UTP4: variants seen among roughly 807,000 people sequenced by gnomAD.
The protein encoded by UTP4 is U3 small nucleolar RNA-associated protein 4 homolog.
UTP4 carries 45 observed loss-of-function variants against 82.4 expected under a neutral mutation model. The ratio of observed to expected loss-of-function variants is 0.55; its 90% CI spans 0.43 to 0.70. UTP4 has a LOEUF of 0.70. Ranked by LOEUF, UTP4 falls within the 30% of genes least tolerant of loss-of-function variation. UTP4 has a pLI of 0.00. For synonymous variants in UTP4, 348 were observed against 300.3 expected, an observed-to-expected ratio of 1.16 and a Z score of -1.64; for missense variants, 819 against 858.3, an observed-to-expected ratio of 0.95 and a Z score of 0.57.
intron 14 of UTP4, among the ~76,000 whole-genome samples, chr16:69,163,990 A>G (rs900954644): frequency 1.4e-5 from 2 of 147,848 alleles, no homozygotes; most frequent in Non-Finnish European, 3.0e-5. Context: ...GGTTCATGTC[A>G]TCCTCCTGCC....
At position 69,136,655 on chromosome 16, in the gene UTP4, T is replaced by C. The variant is rs373201620; in HGVS notation, c.160-41T>C. ...GTGACCACTCAGTACCGGTACCTGA[T>C]GAATTTGTGGTAATGTTGAGAAGTT... is the stretch of plus-strand genomic sequence containing the variant. On this transcript the variant is annotated intron_variant, in intron 2 of 16. Coordinates refer to ENST00000314423, the MANE Select transcript of UTP4 (RefSeq NM_032830.3). 879 of 1,604,506 alleles carry C rather than the reference T, an allele frequency of 5.5e-4. 8 individuals are homozygous for C. The African/African-American group carries it at 0.01, about 19-fold the overall frequency.
At chr16:69,149,167 G>T (rs1394008011) in intron 6 of UTP4, among the ~76,000 whole-genome samples, 2 of 151,982 alleles carry the variant, frequency 1.3e-5, no homozygotes, top group South Asian at 4.2e-4. Flanking sequence ...TATCCCCTAG[G>T]TCAGGAGTTT....
In UTP4 at chr16:69,150,804, C is replaced by T; in HGVS notation, c.911-9C>T. 6.2e-7 allele frequency: 1 copy of T among 1,613,716 alleles called. No homozygotes were observed. Among genetic ancestry groups the T allele is most frequent in the Non-Finnish European group, 8.5e-7 (1 of 1,179,624 alleles). On this transcript the variant is annotated splice_polypyrimidine_tract_variant and intron_variant, in intron 7 of 16. Coordinates refer to ENST00000314423, the MANE Select transcript of UTP4 (RefSeq NM_032830.3). ...CTAATTCTGTACACCTTCTCCCCTG[C>T]TTTCCCAGGCACTGACACCCACTTA...
intron 12 of UTP4, 151 bp downstream of exon 12, chr16:69,157,391 T>C (rs1963447489): frequency 1.3e-6 from 1 of 792,240 alleles, no homozygotes. Context: ...TAGGAGGAGA[T>C]AGCTGGCAGA....
intron 6 of UTP4, among the ~76,000 whole-genome samples, chr16:69,147,947 G>T (rs1963161413): frequency 6.6e-6 from 1 of 150,398 alleles, no homozygotes; most frequent in South Asian, 2.1e-4. Flanking sequence ...TTGTTTTGTT[G>T]TTTTGTTTGT....
intron 9 of UTP4, 39 bp downstream of exon 9, chr16:69,153,719 A>T: frequency 7.4e-7 from 1 of 1,347,448 alleles, no homozygotes; most frequent in Non-Finnish European, 1.1e-6. Flanking sequence ...AGAAAACTGG[A>T]GAGAGAAGCC....
chr16:69,146,929 A>C (rs1963126565), intron 6 of UTP4, among the ~76,000 whole-genome samples: 1 of 147,006 alleles, frequency 6.8e-6, no homozygotes, highest in Non-Finnish European at 1.5e-5. Flanking sequence ...CGTGAACCAG[A>C]GAGGCGGAGC....
At chr16:69,150,483 C>T in intron 6 of UTP4, 54 bp from the exon 7 acceptor site, 2 of 1,600,158 alleles carry the variant, frequency 1.2e-6, no homozygotes, top group Non-Finnish European at 1.7e-6. Flanking sequence ...GAATATTTTT[C>T]CAACCAGACC....
intron 6 of UTP4, among the ~76,000 whole-genome samples, chr16:69,148,194 C>T (rs1319616668): frequency 6.6e-6 from 1 of 152,136 alleles, no homozygotes; most frequent in Non-Finnish European, 1.5e-5. Context: ...ATCTCCTGAC[C>T]TTGTGATCTG....
At chr16:69,157,320 G>T in intron 12 of UTP4, 80 bp downstream of exon 12, 1 of 1,436,550 alleles carries the variant, frequency 7.0e-7, no homozygotes, top group South Asian at 1.2e-5. Flanking sequence ...TCCATGTCGG[G>T]GGTTCCCTCA....
intron 3 of UTP4, 60 bp downstream of exon 3, chr16:69,136,947 C>G: frequency 1.4e-6 from 2 of 1,385,122 alleles, no homozygotes; most frequent in South Asian, 2.3e-5. Context: ...CTCAGACTTT[C>G]TTCCCTGTGC....
chr16:69,154,870 A>G (rs1963369860), intron 10 of UTP4, among the ~76,000 whole-genome samples: 1 of 152,066 alleles, frequency 6.6e-6, no homozygotes, highest in Non-Finnish European at 1.5e-5. Context: ...CTGGGATTAC[A>G]TGCATGCGCC....
chr16:69,160,139 A>C (rs372936060), intron 12 of UTP4, among the ~76,000 whole-genome samples: 1 of 152,250 alleles, frequency 6.6e-6, no homozygotes, highest in Admixed American at 6.5e-5. Flanking sequence ...CTTCTGTTTT[A>C]TCTCTCTGGA....
rs753385203 is a variant in UTP4, at chr16:69,150,671, C to T, written c.873C>T (p.Arg291=). 40 of 1,614,256 alleles carry T rather than the reference C, an allele frequency of 2.5e-5. No individual in the cohort carries two copies. In the East Asian group the frequency reaches 8.7e-4, roughly 35 times the overall value. ...TCCAGCATCACACTCATGACGTGCG[C>T]ACTGTGGCCCACAGCCCAACAGCGC... ...KPFQHHTHDV[R]TVAHSPTALI... The change falls in exon 7 of 17, where the codon CGC becomes CGT. Residue 291 remains arginine (R), a synonymous_variant. Transcript: ENST00000314423.
intron 6 of UTP4, among the ~76,000 whole-genome samples, chr16:69,147,611 G>C (rs931778172): frequency 6.6e-6 from 1 of 152,166 alleles, no homozygotes; most frequent in Admixed American, 6.6e-5. Context: ...AAGTGTTTCA[G>C]ATTTTGGATT....
At chr16:69,167,341 T>G in intron 16 of UTP4, 156 bp downstream of exon 16, 1 of 658,184 alleles carries the variant, frequency 1.5e-6, no homozygotes, top group Non-Finnish European at 2.7e-6. Context: ...GGCTGTCCCT[T>G]GTATATGTTT....
Position 69,143,652 on chromosome 16 carries a change from T to C in UTP4, c.738+263T>C, listed in dbSNP as rs188019471. 3.3e-5 allele frequency among the ~76,000 whole-genome samples: 5 copies of C among 152,296 alleles called. No homozygotes were observed. In the East Asian group the frequency reaches 7.7e-4, roughly 23 times the overall value. The stretch of plus-strand genomic sequence containing the variant: ...CTCACTTCCAGTTCGTCTTGTTTGA[T>C]TGTAGATAGGGCACAGCAGCCTAGA... On this transcript the variant is annotated intron_variant, in intron 6 of 16. Coordinates refer to ENST00000314423, the MANE Select transcript of UTP4 (RefSeq NM_032830.3).
At chr16:69,140,817 A>G (rs1299402870) in intron 5 of UTP4, among the ~76,000 whole-genome samples, 2 of 152,088 alleles carry the variant, frequency 1.3e-5, no homozygotes, top group Non-Finnish European at 2.9e-5. Context: ...TTTTTATGCT[A>G]CATTTTGATT....
intron 3 of UTP4, 136 bp downstream of exon 3, chr16:69,137,023 G>A (rs1240569303): frequency 1.3e-6 from 1 of 794,878 alleles, no homozygotes; most frequent in African/African-American, 1.7e-5. Context: ...AATTGATAGT[G>A]AAGATTTTAA....
Sources: allele counts gnomAD v4.1 joint callset (sites outside exome capture counted in the v4.1 genomes callset), GRCh38; gene constraint gnomAD v4.1.1; transcripts MANE v1.5; gene names NCBI Gene and HGNC (gene_info 2026-07-23, HGNC 2026-07-21).